CTNNA3: variants seen among roughly 807,000 people sequenced by gnomAD.
CTNNA3 encodes the protein catenin alpha-3.
CTNNA3 carries 76 observed loss-of-function variants against 95.7 expected under a neutral mutation model. The ratio of observed to expected loss-of-function variants is 0.79; its 90% CI spans 0.66 to 0.96. CTNNA3 has a LOEUF of 0.96. CTNNA3 is among the 40% of genes least tolerant of loss of function. The pLI is 0.00. For missense variants in CTNNA3, 1,191 were observed against 1,089.8 expected (o/e 1.09, Z -1.31); for synonymous variants, 431 against 374.4 (o/e 1.15, Z -1.74).
chr10:67,338,153 G>GT (rs1347658222), intron 5 of CTNNA3, among the ~76,000 whole-genome samples: 1 of 152,118 alleles, frequency 6.6e-6, no homozygotes, highest in African/African-American at 2.4e-5. Context: ...AAGAAAACAG[G>GT]TTTAATTGGT....
At chr10:65,930,773 G>A (rs1362140387) in intron 17 of CTNNA3, among the ~76,000 whole-genome samples, 1 of 152,122 alleles carries the variant, frequency 6.6e-6, no homozygotes, top group East Asian at 1.9e-4. Flanking sequence ...ATATGATAGA[G>A]GGATGGGCTT....
At chr10:67,417,441 C>G (rs1418404633) in intron 5 of CTNNA3, among the ~76,000 whole-genome samples, 1 of 152,040 alleles carries the variant, frequency 6.6e-6, no homozygotes, top group Non-Finnish European at 1.5e-5. Context: ...CCTGTATCTA[C>G]AAGTTGAAAT....
At chr10:67,069,692 C>A (rs1856328497) in intron 7 of CTNNA3, among the ~76,000 whole-genome samples, 2 of 151,874 alleles carry the variant, frequency 1.3e-5, no homozygotes, top group South Asian at 4.2e-4. Flanking sequence ...TCTGTTGTGT[C>A]TGAATGTTGT....
rs756630986 is a variant in CTNNA3, at chr10:67,231,579, A to C, written c.580-11709T>G. ...ATAAAACCACAAAGATGTGGAAAAAACAGAGCAGAAAAATTGGAAACTCTA... is the reference window on the plus strand; with the variant it reads ...ATAAAACCACAAAGATGTGGAAAAACCAGAGCAGAAAAATTGGAAACTCTA... On this transcript the variant is annotated intron_variant, in intron 5 of 17. Transcript: ENST00000433211. Among the ~76,000 whole-genome samples, 114 of 152,348 alleles carry C rather than the reference A, an allele frequency of 7.5e-4. No homozygotes were observed. In the Middle Eastern group the frequency reaches 0.02, roughly 27 times the overall value.
chr10:66,707,140 C>T (rs1418140087), intron 9 of CTNNA3, among the ~76,000 whole-genome samples: 1 of 151,918 alleles, frequency 6.6e-6, no homozygotes, highest in African/African-American at 2.4e-5. Context: ...AAAATTCCTT[C>T]TTTATTTTAG....
intron 5 of CTNNA3, among the ~76,000 whole-genome samples, chr10:67,325,624 T>C (rs1841507834): frequency 6.6e-6 from 1 of 152,150 alleles, no homozygotes; most frequent in Non-Finnish European, 1.5e-5. Context: ...TTCTTTTGCA[T>C]TTTGTAGAGA....
chr10:67,502,130 G>A (rs1839252248), intron 5 of CTNNA3, among the ~76,000 whole-genome samples: 1 of 152,118 alleles, frequency 6.6e-6, no homozygotes, highest in South Asian at 2.1e-4. Flanking sequence ...CTTTGATGCT[G>A]GTGACCTTCG....
intron 12 of CTNNA3, among the ~76,000 whole-genome samples, chr10:66,362,188 C>T (rs1260312934): frequency 6.7e-6 from 1 of 150,184 alleles, no homozygotes; most frequent in African/African-American, 2.4e-5. Context: ...CAGCAACCTC[C>T]GCCTTCTGGG....
At chr10:66,914,754 G>C (rs947115634) in intron 7 of CTNNA3, among the ~76,000 whole-genome samples, 2 of 152,114 alleles carry the variant, frequency 1.3e-5, no homozygotes, top group African/African-American at 4.8e-5. Context: ...CTAAGTTGCA[G>C]GATTTGCCAT....
intron 5 of CTNNA3, among the ~76,000 whole-genome samples, chr10:67,220,211 T>A (rs939231382): frequency 3.9e-5 from 6 of 152,220 alleles, no homozygotes; most frequent in African/African-American, 1.4e-4. Context: ...GGAGCTTGAA[T>A]TACAAGGATG....
intron 5 of CTNNA3, among the ~76,000 whole-genome samples, chr10:67,493,969 G>A (rs1838946611): frequency 6.6e-6 from 1 of 152,170 alleles, no homozygotes; most frequent in Non-Finnish European, 1.5e-5. Context: ...ATGAAAAGTT[G>A]ACAGTAAAGG....
intron 10 of CTNNA3, among the ~76,000 whole-genome samples, chr10:66,586,326 C>A (rs1448275833): frequency 1.3e-5 from 2 of 152,036 alleles, no homozygotes; most frequent in East Asian, 1.9e-4. Flanking sequence ...TGGATGAAGT[C>A]CCAGCTTTGA....
intron 11 of CTNNA3, among the ~76,000 whole-genome samples, chr10:66,445,023 C>A (rs1047996377): frequency 1.3e-5 from 2 of 152,024 alleles, no homozygotes; most frequent in African/African-American, 4.8e-5. Context: ...GGGTCGCAAT[C>A]CTAGTCTCTG....
intron 5 of CTNNA3, among the ~76,000 whole-genome samples, chr10:67,235,112 C>T (rs1289580117): frequency 6.6e-6 from 1 of 151,828 alleles, no homozygotes; most frequent in African/African-American, 2.4e-5. Flanking sequence ...AGATTCAATG[C>T]CATCCCCATC....
At chr10:66,930,495 A>G (rs900308276) in intron 7 of CTNNA3, among the ~76,000 whole-genome samples, 1 of 152,160 alleles carries the variant, frequency 6.6e-6, no homozygotes, top group South Asian at 2.1e-4. Flanking sequence ...TATCTGTACT[A>G]AAGATGTTTG....
At chr10:67,726,562 A>T (rs950127279) in intron 1 of CTNNA3, among the ~76,000 whole-genome samples, 2 of 71,296 alleles carry the variant, frequency 2.8e-5, no homozygotes, top group African/African-American at 1.3e-4. Flanking sequence ...ATATAATATA[A>T]TATATATTAC....
intron 7 of CTNNA3, among the ~76,000 whole-genome samples, chr10:66,782,113 C>G (rs942399432): frequency 3.3e-5 from 5 of 152,138 alleles, no homozygotes; most frequent in African/African-American, 1.2e-4. Context: ...CATCACCTGA[C>G]AGCTTTATGT....
intron 3 of CTNNA3, among the ~76,000 whole-genome samples, chr10:67,571,698 A>G (rs1335810846): frequency 6.6e-6 from 1 of 152,138 alleles, no homozygotes; most frequent in African/African-American, 2.4e-5. Context: ...AGTGAAATCT[A>G]CGAGGGGGTG....
At chr10:66,132,907 C>T (rs184856580) in intron 13 of CTNNA3, among the ~76,000 whole-genome samples, 5 of 151,994 alleles carry the variant, frequency 3.3e-5, no homozygotes, top group Middle Eastern at 3.4e-3. Context: ...AAAGGGTGGA[C>T]GGTGGCAGGA....
Sources: allele counts gnomAD v4.1 joint callset (sites outside exome capture counted in the v4.1 genomes callset), GRCh38; gene constraint gnomAD v4.1.1; transcripts MANE v1.5; gene names NCBI Gene and HGNC (gene_info 2026-07-23, HGNC 2026-07-21).